CDH13: variants seen among roughly 807,000 people sequenced by gnomAD.
CDH13 encodes cadherin-13.
Under a neutral mutation model 63.8 loss-of-function variants are expected in CDH13, and 24 were observed. That is an observed-to-expected ratio of 0.38 (90% CI 0.27 to 0.53). The LOEUF is 0.53. Ranked by LOEUF, CDH13 falls within the 20% of genes least tolerant of loss-of-function variation. The probability of loss-of-function intolerance (pLI) is 0.85; values close to 1 mark genes in which losing one functional copy is unlikely to be tolerated. For synonymous variants in CDH13, 503 were observed against 355.3 expected (o/e 1.42, Z -4.67); for missense variants, 1,049 against 903.1 (o/e 1.16, Z -2.07).
At chr16:83,140,170 A>G (rs1250529701) in intron 4 of CDH13, among the ~76,000 whole-genome samples, 1 of 152,152 alleles carries the variant, frequency 6.6e-6, no homozygotes, top group Non-Finnish European at 1.5e-5. Flanking sequence ...CTAACAGTTA[A>G]CATTCCAACA....
At chr16:82,692,357 ACT>A (rs1915726295) in intron 1 of CDH13, among the ~76,000 whole-genome samples, 1 of 152,208 alleles carries the variant, frequency 6.6e-6, no homozygotes, top group Non-Finnish European at 1.5e-5. Flanking sequence ...GGATTAATTG[ACT>A]CACAGTTCTG....
intron 1 of CDH13, among the ~76,000 whole-genome samples, chr16:82,781,798 T>A (rs951126710): frequency 3.3e-5 from 5 of 152,162 alleles, no homozygotes; most frequent in Non-Finnish European, 7.3e-5. Context: ...AAGAGACATA[T>A]AAGTCGCAGT....
intron 1 of CDH13, among the ~76,000 whole-genome samples, chr16:82,816,883 G>C (rs78272992): frequency 6.6e-6 from 1 of 151,854 alleles, no homozygotes; most frequent in African/African-American, 2.4e-5. Context: ...AGGATACAAC[G>C]AAAGGATAAT....
At chr16:82,886,762 C>T (rs2151214741) in intron 2 of CDH13, among the ~76,000 whole-genome samples, 1 of 152,174 alleles carries the variant, frequency 6.6e-6, no homozygotes, top group East Asian at 1.9e-4. Flanking sequence ...CAGTCAAAAC[C>T]ATGTTTAACC....
At chr16:82,965,506 C>G (rs1907671853) in intron 2 of CDH13, among the ~76,000 whole-genome samples, 1 of 152,110 alleles carries the variant, frequency 6.6e-6, no homozygotes, top group African/African-American at 2.4e-5. Context: ...TAATTGAATA[C>G]TGATAAGTGA....
intron 2 of CDH13, among the ~76,000 whole-genome samples, chr16:82,922,808 T>C (rs1018269062): frequency 7.9e-5 from 12 of 152,204 alleles, no homozygotes; most frequent in African/African-American, 2.7e-4. Flanking sequence ...TGCCACACTG[T>C]ATAACCTGGG....
intron 11 of CDH13, among the ~76,000 whole-genome samples, chr16:83,764,081 A>G (rs141143069): frequency 5.3e-5 from 8 of 152,250 alleles, no homozygotes; most frequent in African/African-American, 1.9e-4. Context: ...AATTCCCAGT[A>G]CTCCTAAGCA....
intron 7 of CDH13, among the ~76,000 whole-genome samples, chr16:83,578,345 G>A (rs1045423598): frequency 3.9e-5 from 6 of 152,174 alleles, no homozygotes; most frequent in African/African-American, 1.2e-4. Flanking sequence ...GGCACAGACC[G>A]GGCGGTCAAT....
intron 5 of CDH13, among the ~76,000 whole-genome samples, chr16:83,311,696 T>C (rs1359134754): frequency 1.3e-5 from 2 of 152,222 alleles, no homozygotes; most frequent in Non-Finnish European, 2.9e-5. Flanking sequence ...ACTCAAGGCT[T>C]GTACTCTCTA....
At chr16:83,294,298 G>T (rs1052794521) in intron 5 of CDH13, among the ~76,000 whole-genome samples, 1 of 151,978 alleles carries the variant, frequency 6.6e-6, no homozygotes, top group African/African-American at 2.4e-5. Context: ...GTTATTCATT[G>T]TAGTTGCCAT....
At chr16:83,164,459 C>G (rs149412704) in intron 4 of CDH13, among the ~76,000 whole-genome samples, 1 of 151,998 alleles carries the variant, frequency 6.6e-6, no homozygotes, top group Non-Finnish European at 1.5e-5. Context: ...GATTTTGATT[C>G]CTTCAAGTCT....
At chr16:83,771,782 A>G (rs1332215681) in intron 11 of CDH13, among the ~76,000 whole-genome samples, 1 of 152,228 alleles carries the variant, frequency 6.6e-6, no homozygotes, top group Non-Finnish European at 1.5e-5. Flanking sequence ...GCAATTTTAA[A>G]TAGGCTTTGT....
chr16:83,196,537 C>T (rs973618343), intron 4 of CDH13, among the ~76,000 whole-genome samples: 3 of 151,988 alleles, frequency 2.0e-5, no homozygotes, highest in African/African-American at 7.3e-5. Flanking sequence ...AACCACATAT[C>T]TGAAAAAGGA....
intron 9 of CDH13, 52 bp downstream of exon 9, chr16:83,671,024 C>T (rs1567503237): frequency 7.0e-7 from 1 of 1,426,472 alleles, no homozygotes; most frequent in Non-Finnish European, 9.5e-7. Context: ...CGGAGGGCCC[C>T]ATGAGGCAGC....
chr16:83,164,379 T>A (rs1259014977), intron 4 of CDH13, among the ~76,000 whole-genome samples: 1 of 151,886 alleles, frequency 6.6e-6, no homozygotes, highest in African/African-American at 2.4e-5. Flanking sequence ...TGGAGTTAGG[T>A]CACAATCCAC....
chr16:83,141,381 T>TA (rs2036522504), intron 4 of CDH13, among the ~76,000 whole-genome samples: 1 of 152,216 alleles, frequency 6.6e-6, no homozygotes, highest in South Asian at 2.1e-4. Context: ...AGCCTCAGCA[T>TA]AAGCTTGACA....
intron 4 of CDH13, among the ~76,000 whole-genome samples, chr16:83,168,294 C>A (rs189309088): frequency 2.6e-5 from 4 of 151,986 alleles, no homozygotes; most frequent in African/African-American, 9.7e-5. Flanking sequence ...TAAGTACCAT[C>A]CAATGGACGG....
chr16:83,268,927 C>G (rs200888563), intron 5 of CDH13, among the ~76,000 whole-genome samples: 40 of 17,682 alleles, frequency 2.3e-3, no homozygotes, highest in Non-Finnish European at 4.5e-3. Flanking sequence ...CTGCCACAAG[C>G]CAAAGACCAG....
At chr16:83,212,429 C>A (rs1045347615) in intron 4 of CDH13, among the ~76,000 whole-genome samples, 6 of 152,198 alleles carry the variant, frequency 3.9e-5, no homozygotes, top group African/African-American at 1.4e-4. Flanking sequence ...CCCCACTCCA[C>A]TTTCATGCTT....
Sources: allele counts gnomAD v4.1 joint callset (sites outside exome capture counted in the v4.1 genomes callset), GRCh38; gene constraint gnomAD v4.1.1; transcripts MANE v1.5; gene names NCBI Gene and HGNC (gene_info 2026-07-23, HGNC 2026-07-21).